SCN11A: variants seen among roughly 807,000 people sequenced by gnomAD.
SCN11A encodes sodium voltage-gated channel alpha subunit 11, also known as sodium channel protein type 11 subunit alpha.
SCN11A carries 122 observed loss-of-function variants against 162.2 expected under a neutral mutation model. That is an observed-to-expected ratio of 0.75 (90% CI 0.65 to 0.87). SCN11A has a LOEUF of 0.87. SCN11A is among the 40% of genes least tolerant of loss of function. SCN11A has a pLI of 0.00. For missense variants in SCN11A, 2,015 were observed against 2,181.6 expected (o/e 0.92, Z 1.52); for synonymous variants, 758 against 751.5 (o/e 1.01, Z -0.14).
chr3:39,024,376 T>C (rs1479764697), intron 2 of SCN11A, among the ~76,000 whole-genome samples: 1 of 152,208 alleles, frequency 6.6e-6, no homozygotes, highest in Non-Finnish European at 1.5e-5. Flanking sequence ...CAGGACCCTT[T>C]GGAATGAGGT....
intron 28 of SCN11A, among the ~76,000 whole-genome samples, chr3:38,852,282 G>A (rs2064794886): frequency 6.6e-6 from 1 of 152,242 alleles, no homozygotes; most frequent in Non-Finnish European, 1.5e-5. Context: ...GCCAGGAGAA[G>A]ACACTAGAAA....
At chr3:39,035,791 C>T (rs1670005383) in intron 1 of SCN11A, among the ~76,000 whole-genome samples, 1 of 152,164 alleles carries the variant, frequency 6.6e-6, no homozygotes. Context: ...AGGCACCCGC[C>T]ACCACGCCTG....
intron 23 of SCN11A, among the ~76,000 whole-genome samples, chr3:38,873,540 TAG>T (rs2065161728): frequency 6.6e-6 from 1 of 152,194 alleles, no homozygotes; most frequent in East Asian, 1.9e-4. Flanking sequence ...AGTTATTAAG[TAG>T]CTTTCTCGCA....
chr3:39,040,203 T>C (rs2032014333), intron 1 of SCN11A, among the ~76,000 whole-genome samples: 1 of 152,246 alleles, frequency 6.6e-6, no homozygotes, highest in Non-Finnish European at 1.5e-5. Flanking sequence ...TCTATGCCAC[T>C]GTGGCACTCA....
At chr3:38,919,900 T>G (rs369543142) in intron 11 of SCN11A, 35 bp downstream of exon 11, 43 of 1,521,996 alleles carry the variant, frequency 2.8e-5, no homozygotes, top group Non-Finnish European at 3.7e-5. Flanking sequence ...CTAGAGGTAC[T>G]CTTCTTGGGA....
At chr3:38,878,301 T>G (rs1252158969) in intron 23 of SCN11A, among the ~76,000 whole-genome samples, 1 of 152,006 alleles carries the variant, frequency 6.6e-6, no homozygotes, top group Non-Finnish European at 1.5e-5. Context: ...ATCACTAGCT[T>G]TCTATTATGT....
At position 38,886,245 on chromosome 3, in the gene SCN11A, C is replaced by G; in HGVS notation, c.2836-7G>C. ...CCTGATGGAGCTCATAGGCCTAACA[C>G]AGAGAGCCCAGAATAGAATTAATAT... On this transcript the variant is annotated splice_polypyrimidine_tract_variant and splice_region_variant and intron_variant, in intron 19 of 29. Coordinates refer to ENST00000302328, the MANE Select transcript of SCN11A (RefSeq NM_001349253.2). 1 of 1,564,482 alleles carries G rather than the reference C, an allele frequency of 6.4e-7. No individual in the cohort carries two copies.
intron 7 of SCN11A, among the ~76,000 whole-genome samples, chr3:38,944,516 T>C (rs1456734560): frequency 1.3e-5 from 2 of 151,736 alleles, no homozygotes; most frequent in East Asian, 2.0e-4. Flanking sequence ...TTAGTAGAGA[T>C]GGGGTTTCAC....
chr3:38,865,426 C>T (rs2065025531), intron 27 of SCN11A, among the ~76,000 whole-genome samples: 1 of 152,018 alleles, frequency 6.6e-6, no homozygotes, highest in Admixed American at 6.6e-5. Context: ...GTTTGTGTAA[C>T]AACAGGGAAC....
intron 1 of SCN11A, among the ~76,000 whole-genome samples, chr3:39,046,131 G>C (rs1417054490): frequency 6.6e-6 from 1 of 152,074 alleles, no homozygotes; most frequent in Non-Finnish European, 1.5e-5. Flanking sequence ...GTGGTGGCAC[G>C]GGCCTGTAAT....
Position 38,899,996 on chromosome 3 carries a change from G to T in SCN11A, c.1920C>A (p.Gly640=). 6.2e-7 allele frequency: 1 copy of T among 1,614,086 alleles called. No individual in the cohort carries two copies. The highest frequency in any genetic ancestry group is 8.5e-7 in the Non-Finnish European group (1 of 1,179,958). Reference sequence around the variant, plus strand: ...CAACAATGCTGTCAAAAATGTTCCAGCCTCGGCGAAAGTAGTGGTAGGGAT... The same window carrying T: ...CAACAATGCTGTCAAAAATGTTCCATCCTCGGCGAAAGTAGTGGTAGGGAT... The part of the protein sequence containing the change: ...ALDPYHYFRR[G]WNIFDSIVAL... Residue 640 remains glycine, a synonymous_variant, in exon 17 of 30, where the codon GGC becomes GGA. Transcript: ENST00000302328.
At chr3:38,931,008 C>T (rs577722309) in intron 7 of SCN11A, among the ~76,000 whole-genome samples, 4 of 152,286 alleles carry the variant, frequency 2.6e-5, no homozygotes, top group South Asian at 2.1e-4. Flanking sequence ...CAGAGCAAAC[C>T]GCAGCTGTGG....
intron 28 of SCN11A, among the ~76,000 whole-genome samples, chr3:38,860,644 T>C (rs2064948042): frequency 6.6e-6 from 1 of 152,148 alleles, no homozygotes; most frequent in Non-Finnish European, 1.5e-5. Context: ...AAAAATCATA[T>C]GATCATCTCA....
chr3:38,903,608 G>A (rs1487344123), intron 16 of SCN11A, among the ~76,000 whole-genome samples: 5 of 152,158 alleles, frequency 3.3e-5, no homozygotes, highest in Admixed American at 3.3e-4. Flanking sequence ...CTTTTAGGAT[G>A]TCTGCTTGTA....
At chr3:39,000,455 A>G (rs1156646214) in intron 2 of SCN11A, among the ~76,000 whole-genome samples, 1 of 152,126 alleles carries the variant, frequency 6.6e-6, no homozygotes, top group Non-Finnish European at 1.5e-5. Flanking sequence ...CTTCCACTCA[A>G]TCAGCAAACT....
At chr3:39,016,764 G>A (rs2031299456) in intron 2 of SCN11A, among the ~76,000 whole-genome samples, 1 of 151,946 alleles carries the variant, frequency 6.6e-6, no homozygotes, top group Non-Finnish European at 1.5e-5. Context: ...CAACATGCCA[G>A]GCTAATTTTT....
chr3:39,035,237 A>C (rs1375978981), intron 1 of SCN11A, among the ~76,000 whole-genome samples: 1 of 152,254 alleles, frequency 6.6e-6, no homozygotes, highest in African/African-American at 2.4e-5. Context: ...TGGTACTGAC[A>C]CAAAAACAGA....
intron 23 of SCN11A, among the ~76,000 whole-genome samples, chr3:38,878,306 T>C (rs2065253865): frequency 6.6e-6 from 1 of 152,036 alleles, no homozygotes; most frequent in African/African-American, 2.4e-5. Context: ...TAGCTTTCTA[T>C]TATGTATTCA....
chr3:38,891,670 A>G (rs2065501826), intron 19 of SCN11A, among the ~76,000 whole-genome samples: 1 of 152,204 alleles, frequency 6.6e-6, no homozygotes, highest in African/African-American at 2.4e-5. Flanking sequence ...GCATCATAAC[A>G]TGGCAGAAGG....
Sources: allele counts gnomAD v4.1 joint callset (sites outside exome capture counted in the v4.1 genomes callset), GRCh38; gene constraint gnomAD v4.1.1; transcripts MANE v1.5; gene names NCBI Gene and HGNC (gene_info 2026-07-23, HGNC 2026-07-21).